PDE7A: variants seen among roughly 807,000 people sequenced by gnomAD.
PDE7A encodes phosphodiesterase 7A, also known as high affinity 3',5'-cyclic-AMP phosphodiesterase 7A.
A neutral mutation model predicts 64.3 loss-of-function variants in PDE7A; 39 were observed. The ratio of observed to expected loss-of-function variants is 0.61; its 90% CI spans 0.47 to 0.79. The LOEUF is 0.79. PDE7A is among the 30% of genes least tolerant of loss of function. The pLI is 0.00. For missense variants in PDE7A, 470 were observed against 582.8 expected, an observed-to-expected ratio of 0.81 and a Z score of 1.99; for synonymous variants, 203 against 206.8, an observed-to-expected ratio of 0.98 and a Z score of 0.16.
intron 1 of PDE7A, among the ~76,000 whole-genome samples, chr8:65,811,515 G>T (rs1810259706): frequency 6.6e-6 from 1 of 152,218 alleles, no homozygotes; most frequent in South Asian, 2.1e-4. Flanking sequence ...ACAGAGGTTA[G>T]CCTCTTTCAG....
intron 9 of PDE7A, among the ~76,000 whole-genome samples, chr8:65,725,889 AGT>A (rs937816466): frequency 1.3e-5 from 2 of 152,186 alleles, no homozygotes; most frequent in Non-Finnish European, 2.9e-5. Context: ...TTACATATAC[AGT>A]GTGTTTAAGC....
In PDE7A at chr8:65,717,480, C is replaced by T. The variant is rs539777025; in HGVS notation, c.*1810G>A. ...AGGCCTGGCTCAAAGCTGACCTCTCCCCTGTGTTAGTCAGGACTCCAACAG... is the reference window on the plus strand; with the variant it reads ...AGGCCTGGCTCAAAGCTGACCTCTCTCCTGTGTTAGTCAGGACTCCAACAG... On this transcript the variant is annotated 3_prime_UTR_variant, in exon 13 of 13. Coordinates refer to ENST00000401827, the MANE Select transcript of PDE7A (RefSeq NM_001242318.3). The T allele has an allele frequency of 1.9e-4, 29 of 152,172 alleles. No individual in the cohort carries two copies. Among genetic ancestry groups the T allele is most frequent in the Admixed American group, 3.9e-4 (6 of 15,278 alleles). 9.4% of individuals were successfully genotyped at this position (152,172 alleles called of 1,614,324 possible).
chr8:65,833,226 A>G (rs760624863), intron 1 of PDE7A, among the ~76,000 whole-genome samples: 4 of 152,158 alleles, frequency 2.6e-5, no homozygotes, highest in Non-Finnish European at 4.4e-5. Flanking sequence ...CCTGCTGGCT[A>G]AAATCTGAGA....
At chr8:65,769,583 A>C (rs1250899954) in intron 3 of PDE7A, among the ~76,000 whole-genome samples, 2 of 152,314 alleles carry the variant, frequency 1.3e-5, no homozygotes, top group East Asian at 3.9e-4. Flanking sequence ...AACTGGCCTA[A>C]ATTTCAGTTA....
Position 65,747,692 on chromosome 8 carries a change from G to C in PDE7A, c.395C>G (p.Ser132Cys). ...ATAATCATCATCTAAAATGTTTAGG[G>C]AATTTGAAACCGCAGTACCACGAAA... is the stretch of plus-strand genomic sequence containing the variant. ...RFFRGTAVSN[S>C]LNILDDDYNG... The change falls in exon 4 of 13, where the codon TCC (serine) becomes TGC (cysteine). Residue 132 changes from serine to cysteine, a missense_variant. Physicochemically the swap from Ser to Cys is moderately radical, Grantham distance 112 (BLOSUM62 -1). Coordinates refer to ENST00000401827, the MANE Select transcript of PDE7A (RefSeq NM_001242318.3). 1 of 1,611,198 alleles carries C rather than the reference G, an allele frequency of 6.2e-7. No homozygotes were observed. Among genetic ancestry groups the C allele is most frequent in the Non-Finnish European group, 8.5e-7 (1 of 1,178,008 alleles).
intron 5 of PDE7A, among the ~76,000 whole-genome samples, chr8:65,744,571 T>C (rs80171861): frequency 0.039 from 5,974 of 152,274 alleles, 177 homozygotes; most frequent in Non-Finnish European, 0.06. Context: ...ACCCATACTC[T>C]GTAGATTCTG....
At chr8:65,819,303 G>A (rs534192868) in intron 1 of PDE7A, among the ~76,000 whole-genome samples, 33 of 152,314 alleles carry the variant, frequency 2.2e-4, no homozygotes, top group Admixed American at 1.9e-3. Flanking sequence ...AGGCTGAGGA[G>A]GGAGGATCAC....
intron 1 of PDE7A, 120 bp downstream of exon 1, chr8:65,841,251 T>A: frequency 8.5e-7 from 1 of 1,173,258 alleles, no homozygotes; most frequent in Non-Finnish European, 1.1e-6. Flanking sequence ...AAGGCCAGCC[T>A]AGAAATCCCC....
At chr8:65,834,681 C>A (rs2128935077) in intron 1 of PDE7A, among the ~76,000 whole-genome samples, 1 of 152,280 alleles carries the variant, frequency 6.6e-6, no homozygotes, top group Non-Finnish European at 1.5e-5. Flanking sequence ...CCCTGACTTG[C>A]CTTGGTCTTC....
At chr8:65,821,513 C>G (rs1368213352) in intron 1 of PDE7A, among the ~76,000 whole-genome samples, 4 of 152,132 alleles carry the variant, frequency 2.6e-5, no homozygotes. Context: ...TGATATTCCC[C>G]AACGATTAAA....
intron 3 of PDE7A, among the ~76,000 whole-genome samples, chr8:65,764,466 T>C (rs909429713): frequency 1.3e-5 from 2 of 152,172 alleles, no homozygotes; most frequent in African/African-American, 2.4e-5. Flanking sequence ...TGCTTGTGAA[T>C]AGGAAACTAA....
chr8:65,744,819 T>C (rs1468034288), intron 5 of PDE7A, among the ~76,000 whole-genome samples: 1 of 152,240 alleles, frequency 6.6e-6, no homozygotes, highest in Non-Finnish European at 1.5e-5. Flanking sequence ...ATGATACTAA[T>C]GATGATTTGA....
chr8:65,728,812 T>A (rs893457414), intron 7 of PDE7A, among the ~76,000 whole-genome samples: 1 of 152,152 alleles, frequency 6.6e-6, no homozygotes, highest in African/African-American at 2.4e-5. Context: ...ATTAGACTGA[T>A]TTAAAAAATT....
intron 3 of PDE7A, among the ~76,000 whole-genome samples, chr8:65,749,284 G>A (rs1002259268): frequency 2.6e-5 from 4 of 152,250 alleles, no homozygotes; most frequent in African/African-American, 9.6e-5. Context: ...CATATAGTAA[G>A]TAATTGTAAA....
At chr8:65,782,762 T>C in intron 2 of PDE7A, 21 bp downstream of exon 2, 1 of 1,375,762 alleles carries the variant, frequency 7.3e-7, no homozygotes, top group Middle Eastern at 1.8e-4. Context: ...CTGATATTGG[T>C]ATAAAATAAA....
chr8:65,730,488 T>G (rs1435179080), intron 7 of PDE7A, among the ~76,000 whole-genome samples: 17 of 151,962 alleles, frequency 1.1e-4, no homozygotes. Flanking sequence ...CCAGCACACT[T>G]CTTATAAGAA....
intron 1 of PDE7A, among the ~76,000 whole-genome samples, chr8:65,806,739 A>G (rs562045526): frequency 5.8e-4 from 88 of 152,348 alleles, no homozygotes; most frequent in Middle Eastern, 6.8e-3. Context: ...CACATGTCAG[A>G]AATGCATTCC....
intron 3 of PDE7A, chr8:65,771,064 A>G (rs1347500500): frequency 2.7e-6 from 1 of 374,716 alleles, no homozygotes; most frequent in African/African-American, 2.2e-5. Flanking sequence ...CCAAACCACA[A>G]TAATTCATGG....
intron 2 of PDE7A, among the ~76,000 whole-genome samples, chr8:65,780,565 G>T (rs1809386272): frequency 2.0e-5 from 3 of 152,088 alleles, no homozygotes; most frequent in Non-Finnish European, 4.4e-5. Context: ...TGTTTTACAG[G>T]CATTATTTTA....
Sources: allele counts gnomAD v4.1 joint callset (sites outside exome capture counted in the v4.1 genomes callset), GRCh38; gene constraint gnomAD v4.1.1; transcripts MANE v1.5; gene names NCBI Gene and HGNC (gene_info 2026-07-23, HGNC 2026-07-21).